The following CTNNA3 variants were observed in gnomAD, a reference collection of about 807,000 sequenced individuals.
CTNNA3 encodes the protein catenin alpha-3.
A neutral mutation model predicts 95.7 loss-of-function variants in CTNNA3; 76 were observed. The observed-to-expected ratio is 0.79, with a 90% CI of 0.66 to 0.96. The LOEUF is 0.96. Ranked by LOEUF, CTNNA3 falls within the 40% of genes least tolerant of loss-of-function variation. The pLI is 0.00. For synonymous variants in CTNNA3, 431 were observed against 374.4 expected (o/e 1.15, Z -1.74); for missense variants, 1,191 against 1,089.8 (o/e 1.09, Z -1.31).
At chr10:66,954,468 A>G (rs1039531172) in intron 7 of CTNNA3, among the ~76,000 whole-genome samples, 4 of 152,280 alleles carry the variant, frequency 2.6e-5, no homozygotes, top group Non-Finnish European at 4.4e-5. Flanking sequence ...TGTACAGGAG[A>G]GCATGTTGTG....
chr10:66,946,150 G>A (rs1848263993), intron 7 of CTNNA3, among the ~76,000 whole-genome samples: 1 of 152,110 alleles, frequency 6.6e-6, no homozygotes, highest in African/African-American at 2.4e-5. Flanking sequence ...CATAATATCT[G>A]CAAAGTGCAA....
chr10:67,672,674 A>G (rs1342961371), intron 1 of CTNNA3, among the ~76,000 whole-genome samples: 1 of 152,096 alleles, frequency 6.6e-6, no homozygotes, highest in Non-Finnish European at 1.5e-5. Context: ...GGTTGTAGAT[A>G]TGAGGCATTA....
At chr10:67,017,021 C>T (rs1852701576) in intron 7 of CTNNA3, among the ~76,000 whole-genome samples, 2 of 152,264 alleles carry the variant, frequency 1.3e-5, no homozygotes, top group Non-Finnish European at 2.9e-5. Context: ...AGACACTTGG[C>T]TAGGTGCAGG....
At chr10:67,623,797 T>C (rs73268202) in intron 2 of CTNNA3, among the ~76,000 whole-genome samples, 20,144 of 151,890 alleles carry the variant, frequency 0.13, 2,402 homozygotes, top group African/African-American at 0.32. Context: ...CACCCCAAAA[T>C]ATGGTACCCT....
chr10:67,732,372 G>A (rs1272822167), intron 1 of CTNNA3, among the ~76,000 whole-genome samples: 1 of 152,160 alleles, frequency 6.6e-6, no homozygotes, highest in Non-Finnish European at 1.5e-5. Context: ...ATAGGACATA[G>A]TCTTATGAAA....
intron 13 of CTNNA3, among the ~76,000 whole-genome samples, chr10:66,182,040 A>C (rs1033623301): frequency 6.6e-6 from 1 of 152,154 alleles, no homozygotes; most frequent in African/African-American, 2.4e-5. Flanking sequence ...CCACAAACCA[A>C]TAATCTGTAT....
chr10:66,203,259 A>C (rs1023822933), intron 13 of CTNNA3, among the ~76,000 whole-genome samples: 1 of 152,210 alleles, frequency 6.6e-6, no homozygotes, highest in African/African-American at 2.4e-5. Flanking sequence ...AATCCAAGTC[A>C]ATCCCCATTT....
chr10:66,332,104 A>G (rs2092337721), intron 12 of CTNNA3, among the ~76,000 whole-genome samples: 1 of 152,060 alleles, frequency 6.6e-6, no homozygotes, highest in Admixed American at 6.6e-5. Context: ...TTGTATCCTG[A>G]GACTTTGCTG....
chr10:67,749,693 A>G (rs11817108), intron 1 of CTNNA3, among the ~76,000 whole-genome samples: 26,802 of 152,158 alleles, frequency 0.18, 3,434 homozygotes, highest in East Asian at 0.44. Flanking sequence ...AGCACTAAAT[A>G]CCCACATCAG....
intron 7 of CTNNA3, among the ~76,000 whole-genome samples, chr10:66,878,604 A>AC (rs1392643735): frequency 6.6e-6 from 1 of 152,082 alleles, no homozygotes; most frequent in Non-Finnish European, 1.5e-5. Flanking sequence ...GTCCATAGCC[A>AC]TTATAACCCT....
intron 10 of CTNNA3, among the ~76,000 whole-genome samples, chr10:66,603,179 T>G (rs527688631): frequency 1.4e-4 from 22 of 152,248 alleles, no homozygotes; most frequent in African/African-American, 5.3e-4. Context: ...AGCGTGATTT[T>G]ATATTTAGAA....
At chr10:67,513,294 T>A (rs1839699967) in intron 5 of CTNNA3, among the ~76,000 whole-genome samples, 1 of 152,222 alleles carries the variant, frequency 6.6e-6, no homozygotes, top group South Asian at 2.1e-4. Context: ...AACTCCCACC[T>A]GGAGGACAAG....
chr10:67,347,982 C>T (rs1380366294), intron 5 of CTNNA3, among the ~76,000 whole-genome samples: 3 of 151,964 alleles, frequency 2.0e-5, no homozygotes, highest in South Asian at 2.1e-4. Flanking sequence ...AAACCAGAAA[C>T]GTCAATATAA....
chr10:66,361,534 T>C (rs1225190476), intron 12 of CTNNA3, among the ~76,000 whole-genome samples: 3 of 151,120 alleles, frequency 2.0e-5, no homozygotes, highest in African/African-American at 7.3e-5. Context: ...CTTTCTCTCT[T>C]TCTTTCTTTC....
intron 10 of CTNNA3, among the ~76,000 whole-genome samples, chr10:66,615,537 T>G (rs1224903265): frequency 6.6e-6 from 1 of 151,870 alleles, no homozygotes; most frequent in Non-Finnish European, 1.5e-5. Flanking sequence ...TAAAAAAATA[T>G]TTTTTATTGA....
chr10:66,402,294 C>T (rs2093027263), intron 11 of CTNNA3, among the ~76,000 whole-genome samples: 1 of 152,252 alleles, frequency 6.6e-6, no homozygotes, highest in Admixed American at 6.5e-5. Context: ...TATTAATCCT[C>T]TGGCTGTTCA....
chr10:67,153,195 C>T (rs1374796845), intron 7 of CTNNA3, among the ~76,000 whole-genome samples: 3 of 152,082 alleles, frequency 2.0e-5, no homozygotes, highest in East Asian at 1.9e-4. Context: ...AGGTTGGTCT[C>T]GAACTCCAGA....
chr10:66,320,115 G>A (rs144582481), intron 12 of CTNNA3, among the ~76,000 whole-genome samples: 7 of 151,950 alleles, frequency 4.6e-5, no homozygotes, highest in South Asian at 2.1e-4. Flanking sequence ...GCCTAGTCTC[G>A]CACCTGATAT....
chr10:67,761,832 C>T (rs1358839493), intron 1 of CTNNA3, among the ~76,000 whole-genome samples: 1 of 150,552 alleles, frequency 6.6e-6, no homozygotes, highest in Non-Finnish European at 1.5e-5. Flanking sequence ...GAGCCGAGAT[C>T]GCACCACTGC....
Sources: gnomAD v4.1 joint callset for allele counts (sites outside exome capture counted in the v4.1 genomes callset) on GRCh38, gnomAD v4.1.1 for gene constraint, MANE v1.5 for transcripts, NCBI Gene and HGNC (gene_info 2026-07-23, HGNC 2026-07-21) for gene names.